Variants in SIK3 observed in about 807,000 individuals in gnomAD.
The protein encoded by SIK3 is serine/threonine-protein kinase SIK3.
SIK3 carries 28 observed loss-of-function variants against 144.2 expected under a neutral mutation model. The ratio of observed to expected loss-of-function variants is 0.19; its 90% CI spans 0.14 to 0.27. The LOEUF (loss-of-function observed/expected upper bound fraction) is 0.27. Ranked by LOEUF, SIK3 falls within the 10% of genes least tolerant of loss-of-function variation. The pLI, the probability that SIK3 is intolerant of heterozygous loss-of-function variation, is 1.00. For synonymous variants in SIK3, 686 were observed against 676.3 expected (o/e 1.01, Z -0.22); for missense variants, 1,319 against 1,776.0 (o/e 0.74, Z 4.62).
chr11:116,896,804 T>A (rs1413654214), intron 5 of SIK3, among the ~76,000 whole-genome samples: 1 of 152,124 alleles, frequency 6.6e-6, no homozygotes, highest in Non-Finnish European at 1.5e-5. Flanking sequence ...GGCGGGAGGA[T>A]CACCTGAGGT....
intron 3 of SIK3, among the ~76,000 whole-genome samples, chr11:116,939,186 C>T (rs190640297): frequency 2.0e-4 from 30 of 152,308 alleles, no homozygotes; most frequent in African/African-American, 7.0e-4. Context: ...CTCACTCTGT[C>T]ACCCAGGCTG....
At chr11:117,002,220 T>C (rs1950878033) in intron 1 of SIK3, among the ~76,000 whole-genome samples, 2 of 152,254 alleles carry the variant, frequency 1.3e-5, no homozygotes, top group Admixed American at 6.5e-5. Context: ...GTGGGCTACA[T>C]GCGTCCCAGG....
At chr11:117,009,127 T>TGG (rs933766471) in intron 1 of SIK3, among the ~76,000 whole-genome samples, 9 of 149,006 alleles carry the variant, frequency 6.0e-5, no homozygotes, top group Non-Finnish European at 1.2e-4. Context: ...CCCAGCTACT[T>TGG]GGGGGGCTGA....
At chr11:116,971,139 T>C (rs1949752182) in intron 1 of SIK3, among the ~76,000 whole-genome samples, 1 of 152,246 alleles carries the variant, frequency 6.6e-6, no homozygotes, top group Admixed American at 6.5e-5. Flanking sequence ...TCACTATTGG[T>C]AAAGTCAATG....
At chr11:117,013,229 G>A (rs989783941) in intron 1 of SIK3, among the ~76,000 whole-genome samples, 3 of 152,108 alleles carry the variant, frequency 2.0e-5, no homozygotes, top group South Asian at 2.1e-4. Flanking sequence ...AGTGGCTCAC[G>A]CCTGTAATCC....
intron 1 of SIK3, among the ~76,000 whole-genome samples, chr11:117,007,298 A>G (rs11216225): frequency 0.15 from 23,113 of 152,242 alleles, 2,495 homozygotes; most frequent in African/African-American, 0.3. Context: ...CAATCGCTTG[A>G]ACCTGGGAGG....
At chr11:116,865,535 T>C (rs1011864347) in intron 15 of SIK3, among the ~76,000 whole-genome samples, 2 of 152,206 alleles carry the variant, frequency 1.3e-5, no homozygotes, top group Non-Finnish European at 2.9e-5. Context: ...TCCCACACTA[T>C]ACTCTTCAAG....
intron 1 of SIK3, among the ~76,000 whole-genome samples, chr11:117,045,191 C>T (rs960533694): frequency 6.6e-6 from 1 of 152,154 alleles, no homozygotes; most frequent in Non-Finnish European, 1.5e-5. Flanking sequence ...CAATATATAA[C>T]CAAATATCTG....
intron 1 of SIK3, among the ~76,000 whole-genome samples, chr11:117,056,358 C>A (rs1010792854): frequency 1.3e-5 from 2 of 151,992 alleles, no homozygotes; most frequent in African/African-American, 4.8e-5. Flanking sequence ...GGGAACATCA[C>A]ACACTGGGGC....
chr11:117,004,537 C>T (rs760905690), intron 1 of SIK3, among the ~76,000 whole-genome samples: 1 of 151,956 alleles, frequency 6.6e-6, no homozygotes, highest in Non-Finnish European at 1.5e-5. Context: ...AAAAGAACAA[C>T]GTTATTTAGA....
chr11:116,950,914 GA>G (rs1948905669), intron 3 of SIK3, among the ~76,000 whole-genome samples: 1 of 152,184 alleles, frequency 6.6e-6, no homozygotes, highest in Admixed American at 6.5e-5. Context: ...ACGATTTCCA[GA>G]GACTTTAAAT....
At chr11:116,926,294 T>C (rs1180368833) in intron 4 of SIK3, among the ~76,000 whole-genome samples, 2 of 152,258 alleles carry the variant, frequency 1.3e-5, no homozygotes, top group African/African-American at 2.4e-5. Flanking sequence ...AGTTTCTCTA[T>C]AGATTGCAGT....
At chr11:117,060,072 A>C (rs1245650806) in intron 1 of SIK3, among the ~76,000 whole-genome samples, 3 of 152,238 alleles carry the variant, frequency 2.0e-5, no homozygotes, top group African/African-American at 7.2e-5. Context: ...AGCTTTATTC[A>C]TAGTTGAAAA....
intron 14 of SIK3, 112 bp downstream of exon 14, chr11:116,870,219 A>C (rs1943894126): frequency 1.3e-6 from 2 of 1,559,902 alleles, no homozygotes. Context: ...CAAAGAGACC[A>C]CACAAATGTT....
intron 1 of SIK3, among the ~76,000 whole-genome samples, chr11:117,052,481 C>T (rs991923823): frequency 3.9e-5 from 6 of 152,072 alleles, no homozygotes; most frequent in South Asian, 4.2e-4. Context: ...AGTCTATCTC[C>T]GGCATTCATT....
chr11:116,858,319 T>C lies in SIK3; in HGVS notation c.3146A>G (p.Gln1049Arg). Residue 1049 changes from glutamine (Q) to arginine (R), a missense_variant, in exon 21 of 25, where the codon CAA (glutamine) becomes CGA (arginine). By Grantham distance (43) the Gln-to-Arg change is conservative. Around this residue, in one of 8 missense-constraint regions of SIK3, gnomAD observed 646 missense variants for 763.7 expected, o/e 0.85. Coordinates refer to ENST00000445177, the MANE Select transcript of SIK3 (RefSeq NM_001366686.3). This position sits in a 1 kb window ranked among gnomAD's most constrained non-coding sequence, Gnocchi z 5.4. ...CTGTTGCTGCTGCTGCTGCCGTTGT[T>C]GCTGCTGCCTTTTAATGAGCTGTGC... ...EFAQLIKRQQQQRQQQQQQQQ... is the reference protein window; with the variant it reads ...EFAQLIKRQQRQRQQQQQQQQ... 6.2e-7 allele frequency: 1 copy of C among 1,613,462 alleles called. No individual in the cohort carries two copies.
rs570471211 is a variant in SIK3, at chr11:116,896,281, C to T, written c.837G>A (p.Lys279=). ...QNLRARVLSG[K]FRIPFFMSTE... Reference sequence around the variant, plus strand: ...TGGACATAAAAAATGGGATGCGGAACTTTCCACTCAGCACGCGGGCCCGCA... The same window carrying T: ...TGGACATAAAAAATGGGATGCGGAATTTTCCACTCAGCACGCGGGCCCGCA... Residue 279 remains lysine, a synonymous_variant, in exon 6 of 25, where the codon AAG becomes AAA. Coordinates refer to ENST00000445177, the MANE Select transcript of SIK3 (RefSeq NM_001366686.3). The T allele has an allele frequency of 6.2e-7, 1 of 1,613,934 alleles. No individual in the cohort carries two copies. Among genetic ancestry groups the T allele is most frequent in the South Asian group, 1.1e-5 (1 of 91,066 alleles).
intron 1 of SIK3, among the ~76,000 whole-genome samples, chr11:116,998,932 T>G (rs1028248971): frequency 6.6e-6 from 1 of 152,198 alleles, no homozygotes; most frequent in Non-Finnish European, 1.5e-5. Flanking sequence ...TAAAAGTGTA[T>G]AGTTAGACAA....
At chr11:116,983,943 T>A (rs1950238161) in intron 1 of SIK3, among the ~76,000 whole-genome samples, 1 of 148,406 alleles carries the variant, frequency 6.7e-6, no homozygotes, top group African/African-American at 2.5e-5. Context: ...CCCAGCTACT[T>A]GGGTGGCTGA....
Sources: allele counts gnomAD v4.1 joint callset (sites outside exome capture counted in the v4.1 genomes callset), GRCh38; gene constraint gnomAD v4.1.1; regional missense constraint gnomAD v4.1.1; non-coding constraint Gnocchi (gnomAD v3.1); transcripts MANE v1.5; gene names NCBI Gene and HGNC (gene_info 2026-07-23, HGNC 2026-07-21).